LCOR: variants seen among roughly 807,000 people sequenced by gnomAD.
The protein encoded by LCOR is ligand dependent nuclear receptor corepressor.
LCOR carries 14 observed loss-of-function variants against 64.4 expected under a neutral mutation model. That is an observed-to-expected ratio of 0.22 (90% CI 0.14 to 0.34). LCOR has a LOEUF of 0.34. Among genes scored for constraint, LCOR ranks in the 10% least tolerant of loss-of-function variants. The pLI is 1.00. For synonymous variants in LCOR, 643 were observed against 642.5 expected, an observed-to-expected ratio of 1.00 and a Z score of -0.01; for missense variants, 1,686 against 1,765.3, an observed-to-expected ratio of 0.96 and a Z score of 0.80.
chr10:96,971,941 G>A (rs1010895333), intron 7 of LCOR, among the ~76,000 whole-genome samples: 2 of 152,012 alleles, frequency 1.3e-5, no homozygotes, highest in Non-Finnish European at 2.9e-5. Context: ...CAAGATTCCT[G>A]AGTAAAAACT....
rs542166041 is a variant in LCOR at position 96,871,278 on chromosome 10, A to G, written c.-329-35987A>G. ...CCCTGTGTTGCCCAGGCTAGTCTCA[A>G]ACTCCTGGCCACTAGTGATCCTCCT... On this transcript the variant is annotated intron_variant, in intron 2 of 7. Coordinates refer to ENST00000421806, the MANE Select transcript of LCOR (RefSeq NM_001346516.2). Among the ~76,000 whole-genome samples the G allele has an allele frequency of 5.9e-5, 9 of 151,900 alleles. No homozygotes were observed. The South Asian group carries it at 1.0e-3, about 18-fold the overall frequency.
At chr10:96,963,229 G>T (rs538520603) in intron 7 of LCOR, 1 of 151,368 alleles carries the variant, frequency 6.6e-6, no homozygotes, top group East Asian at 1.9e-4. Flanking sequence ...TAAAAAAAGC[G>T]CATAAATGTA....
chr10:96,859,173 A>G (rs1845848808), intron 2 of LCOR, among the ~76,000 whole-genome samples: 1 of 151,928 alleles, frequency 6.6e-6, no homozygotes, highest in Non-Finnish European at 1.5e-5. Context: ...CCTTCTTTCC[A>G]TCGGTAAGCA....
Position 96,982,638 on chromosome 10 carries a change from C to T in LCOR, c.2178C>T (p.Asn726=). Residue 726 remains asparagine, a synonymous_variant, in exon 8 of 8, where the codon AAC becomes AAT. Transcript: ENST00000421806. The stretch of plus-strand genomic sequence containing the variant: ...TGAGTCTGGGAAAGGCTGAGGACAA[C>T]CAAAGCATCAGTGCTGAGGTTGAGT... The part of the protein sequence containing the change: ...PPMSLGKAED[N]QSISAEVESG... The T allele has an allele frequency of 6.2e-7, 1 of 1,614,160 alleles. No individual in the cohort carries two copies. Among genetic ancestry groups the T allele is most frequent in the Non-Finnish European group, 8.5e-7 (1 of 1,180,032 alleles).
intron 7 of LCOR, among the ~76,000 whole-genome samples, chr10:96,964,923 A>G (rs902013946): frequency 6.6e-6 from 1 of 152,082 alleles, no homozygotes; most frequent in Non-Finnish European, 1.5e-5. Context: ...TAAGGTTATG[A>G]TGGTAGTTCT....
chr10:96,837,199 C>T (rs1845459064), intron 2 of LCOR, among the ~76,000 whole-genome samples: 1 of 152,036 alleles, frequency 6.6e-6, no homozygotes, highest in South Asian at 2.1e-4. Context: ...ACCGTGTTAG[C>T]CAGGATGGTC....
intron 2 of LCOR, among the ~76,000 whole-genome samples, 173 bp downstream of exon 2, chr10:96,833,652 G>A (rs753081754): frequency 5.3e-5 from 8 of 152,186 alleles, no homozygotes; most frequent in Non-Finnish European, 1.2e-4. Context: ...CCCAGTCCTC[G>A]GGGAGGCCCA....
At chr10:96,955,237 G>T (rs777924906) in intron 7 of LCOR, 1 of 1,614,014 alleles carries the variant, frequency 6.2e-7, no homozygotes, top group Admixed American at 1.7e-5. Context: ...AACCTCAGCC[G>T]TATGAAGTTC....
At chr10:96,925,981 T>C (rs529002501) in intron 4 of LCOR, among the ~76,000 whole-genome samples, 1 of 152,224 alleles carries the variant, frequency 6.6e-6, no homozygotes, top group Non-Finnish European at 1.5e-5. Context: ...ATTTGGTCAG[T>C]GGAAGCCCCT....
chr10:96,866,094 C>T (rs1424789252), intron 2 of LCOR, among the ~76,000 whole-genome samples: 1 of 152,064 alleles, frequency 6.6e-6, no homozygotes, highest in Admixed American at 6.6e-5. Flanking sequence ...ATGTGGTGCT[C>T]TATTTATTAA....
intron 4 of LCOR, among the ~76,000 whole-genome samples, chr10:96,943,820 A>G (rs1483982581): frequency 2.0e-5 from 3 of 152,076 alleles, no homozygotes; most frequent in Non-Finnish European, 4.4e-5. Context: ...AATAGAACCA[A>G]TATATTTGAG....
intron 7 of LCOR, among the ~76,000 whole-genome samples, chr10:96,969,759 C>CTTTCTTTTTTT (rs1203622682): frequency 7.2e-6 from 1 of 138,450 alleles, no homozygotes; most frequent in Non-Finnish European, 1.6e-5. Context: ...CAACAATTTT[C>CTTTCTTTTTTT]TTTCTTTTTT....
chr10:96,840,479 C>T (rs535866850), intron 2 of LCOR, among the ~76,000 whole-genome samples: 3 of 152,184 alleles, frequency 2.0e-5, no homozygotes, highest in South Asian at 2.1e-4. Flanking sequence ...GAGCAGGATA[C>T]GTCAGGGTTT....
rs759027732 is a variant in LCOR at position 96,949,013 on chromosome 10, C to A, written c.-45C>A. On this transcript the variant is annotated 5_prime_UTR_variant, in exon 6 of 8. Coordinates refer to ENST00000421806, the MANE Select transcript of LCOR (RefSeq NM_001346516.2). The stretch of plus-strand genomic sequence containing the variant: ...AAATAAATCTTTATTTACAGACAGT[C>A]CCTGGGTCTCCGACCCCAATATTCC... The A allele has an allele frequency of 1.2e-6, 2 of 1,607,162 alleles. No individual in the cohort carries two copies. The highest frequency in any genetic ancestry group is 2.2e-5 in the South Asian group (2 of 90,748).
intron 1 of LCOR, chr10:96,832,829 G>GC (rs1344549735): frequency 2.8e-5 from 6 of 214,892 alleles, no homozygotes; most frequent in Non-Finnish European, 3.9e-5. Flanking sequence ...GGCGTGCTCG[G>GC]CCCCCACCCG....
At chr10:96,938,067 T>C (rs1847383012) in intron 4 of LCOR, among the ~76,000 whole-genome samples, 1 of 152,182 alleles carries the variant, frequency 6.6e-6, no homozygotes, top group South Asian at 2.1e-4. Flanking sequence ...TACTCCTGCC[T>C]CAGCCCCCAA....
chr10:96,994,530 G>A lies in LCOR; in HGVS notation c.*9396G>A, dbSNP rs545388605. The A allele has an allele frequency of 2.0e-5, 3 of 152,260 alleles. No homozygotes were observed. The highest frequency in any genetic ancestry group is 4.8e-5 in the African/African-American group (2 of 41,548). The allele number at this position is 152,260 out of a possible 1,614,324, so 9.4% of individuals were successfully genotyped here. The stretch of plus-strand genomic sequence containing the variant: ...TGTCTTCTCTTTTGTATTTATGATG[G>A]TGTTTGGAATTTTTCACTAGTGTAT... On this transcript the variant is annotated 3_prime_UTR_variant, in exon 8 of 8. Coordinates refer to ENST00000421806, the MANE Select transcript of LCOR (RefSeq NM_001346516.2).
At chr10:96,978,480 G>A (rs567697435) in intron 7 of LCOR, among the ~76,000 whole-genome samples, 11 of 152,250 alleles carry the variant, frequency 7.2e-5, no homozygotes, top group African/African-American at 2.4e-4. Flanking sequence ...ATGTACTTCA[G>A]AGTTCACCGT....
intron 2 of LCOR, among the ~76,000 whole-genome samples, chr10:96,884,470 A>T (rs1846310599): frequency 6.6e-6 from 1 of 152,174 alleles, no homozygotes; most frequent in Non-Finnish European, 1.5e-5. Flanking sequence ...GGAAGAGAAG[A>T]ACTTCCTTTG....
Sources: gnomAD v4.1 joint callset for allele counts (sites outside exome capture counted in the v4.1 genomes callset) on GRCh38, gnomAD v4.1.1 for gene constraint, MANE v1.5 for transcripts, NCBI Gene and HGNC (gene_info 2026-07-23, HGNC 2026-07-21) for gene names.